Variants in ICAM5 observed in about 807,000 individuals in gnomAD.
ICAM5 encodes the protein intercellular adhesion molecule 5, also known as ICAM-5.
ICAM5 carries 38 observed loss-of-function variants against 78.8 expected under a neutral mutation model. The observed-to-expected ratio is 0.48, with a 90% CI of 0.37 to 0.63. The LOEUF (loss-of-function observed/expected upper bound fraction) is 0.63, where lower values mean the gene tolerates loss of function less well. Ranked by LOEUF, ICAM5 falls within the 30% of genes least tolerant of loss-of-function variation. ICAM5 has a pLI of 0.00. For synonymous variants in ICAM5, 544 were observed against 590.9 expected (o/e 0.92, Z 1.15); for missense variants, 1,059 against 1,303.0 (o/e 0.81, Z 2.88).
chr19:10,293,074 C>A lies in ICAM5; in HGVS notation c.1293C>A (p.Cys431Ter). The A allele has an allele frequency of 6.2e-7, 1 of 1,610,086 alleles. No individual in the cohort carries two copies. Among genetic ancestry groups the A allele is most frequent in the Non-Finnish European group, 8.5e-7 (1 of 1,179,750 alleles). ...WPEGPEQTLRCEARGNPEPSV... is the reference protein window; with the variant it reads ...WPEGPEQTLR Reference sequence around the variant, plus strand: ...AGGGCCCAGAGCAGACGCTGCGCTGCGAGGCCCGCGGGAACCCAGAACCCT... The same window carrying A: ...AGGGCCCAGAGCAGACGCTGCGCTGAGAGGCCCGCGGGAACCCAGAACCCT... Residue 431 changes from cysteine to a stop codon, truncating the protein, a stop_gained, in exon 6 of 11, where the codon TGC becomes TGA. Coordinates refer to ENST00000221980, the MANE Select transcript of ICAM5 (RefSeq NM_003259.4). LOFTEE classifies it high-confidence loss of function. The surrounding 1 kb of genome is among the most constrained non-coding windows in gnomAD (Gnocchi z 5.0).
chr19:10,294,687 A>C lies in ICAM5; in HGVS notation c.2230+47A>C, dbSNP rs752910728. The C allele has an allele frequency of 7.5e-6, 12 of 1,608,588 alleles. No homozygotes were observed. Among genetic ancestry groups the C allele is most frequent in the Non-Finnish European group, 1.0e-5 (12 of 1,178,638 alleles). ...TGGAGGGGACACGGTCCTCGGAAGA[A>C]TGACTCGCAGCGGTGGGAGCATTCA... is the stretch of plus-strand genomic sequence containing the variant. On this transcript the variant is annotated intron_variant, in intron 9 of 10. Coordinates refer to ENST00000221980, the MANE Select transcript of ICAM5 (RefSeq NM_003259.4). This position sits in a 1 kb window ranked among gnomAD's most constrained non-coding sequence, Gnocchi z 7.7.
chr19:10,294,123 G>A lies in ICAM5; in HGVS notation c.1795G>A (p.Asp599Asn). Residue 599 changes from aspartate to asparagine, a missense_variant, in exon 8 of 11, where the codon GAT becomes AAT. Physicochemically the swap from Asp to Asn is conservative, Grantham distance 23. Coordinates refer to ENST00000221980, the MANE Select transcript of ICAM5 (RefSeq NM_003259.4). This position sits in a 1 kb window ranked among gnomAD's most constrained non-coding sequence, Gnocchi z 7.7. Reference sequence around the variant, plus strand: ...TGGGCGCCTGTTTTCCTGTGAGGTCGATGGGAAGCCACAGCCAAGCGTGAA... The same window carrying A: ...TGGGCGCCTGTTTTCCTGTGAGGTCAATGGGAAGCCACAGCCAAGCGTGAA... ...GSGRLFSCEV[D>N]GKPQPSVKCV... 6.2e-7 allele frequency: 1 copy of A among 1,604,574 alleles called. No individual in the cohort carries two copies. Among genetic ancestry groups the A allele is most frequent in the South Asian group, 1.1e-5 (1 of 90,220 alleles).
chr19:10,291,713 G>T lies in ICAM5; in HGVS notation c.577G>T (p.Gly193Ter). The change falls in exon 3 of 11, where the codon GGA (glycine) becomes TGA (stop). Residue 193 changes from glycine (G) to a stop codon, truncating the protein, a stop_gained. Coordinates refer to ENST00000221980, the MANE Select transcript of ICAM5 (RefSeq NM_003259.4). LOFTEE classifies it high-confidence loss of function. Reference protein sequence around the residue: ...ATVLARREDHGANFSCRAELD... With the variant: ...ATVLARREDH ...GGTACTGGCTCGGAGGGAGGACCAT[G>T]GAGCCAATTTCTCGTGTCGCGCCGA... The T allele has an allele frequency of 6.2e-7, 1 of 1,612,798 alleles. No individual in the cohort carries two copies. Among genetic ancestry groups the T allele is most frequent in the Non-Finnish European group, 8.5e-7 (1 of 1,179,998 alleles).
chr19:10,290,955 C>T lies in ICAM5; in HGVS notation c.83-117C>T. On this transcript the variant is annotated intron_variant, in intron 1 of 10. Transcript: ENST00000221980. This position sits in a 1 kb window ranked among gnomAD's most constrained non-coding sequence, Gnocchi z 5.7. ...AGGACGCGGGACGCCTGGGTTCTTT[C>T]CCTGGCTGCAGCCTCTCCTCCTCCT... 7.4e-7 allele frequency: 1 copy of T among 1,352,542 alleles called. No homozygotes were observed. Among genetic ancestry groups the T allele is most frequent in the African/African-American group, 1.5e-5 (1 of 68,364 alleles). The allele number at this position is 1,352,542 out of a possible 1,614,324, so 83.8% of individuals were successfully genotyped here. A position where few individuals can be genotyped will look rare whatever the true frequency, so the allele number is the denominator to read the frequency against.
intron 4 of ICAM5, 22 bp from the exon 5 acceptor site, chr19:10,292,590 C>A (rs35797244): frequency 3.2e-6 from 5 of 1,544,882 alleles, no homozygotes; most frequent in East Asian, 4.5e-5. Context: ...CAGTATACTA[C>A]GACCAAATGC....
rs777140585 is a variant in ICAM5, at chr19:10,294,535, T to A, written c.2125T>A (p.Trp709Arg). Residue 709 changes from tryptophan to arginine, a missense_variant, in exon 9 of 11, where the codon TGG becomes AGG. This residue lies in a region of ICAM5 where 135 missense variants were observed against 230.2 expected (regional missense o/e 0.59). Coordinates refer to ENST00000221980, the MANE Select transcript of ICAM5 (RefSeq NM_003259.4). The surrounding 1 kb of genome is among the most constrained non-coding windows in gnomAD (Gnocchi z 7.7). Reference sequence around the variant, plus strand: ...GCGCTGCTCTCGGGAAGGCATCCCATGGCCTGAGCAGCAGCGCGTGTCCCG... The same window carrying A: ...GCGCTGCTCTCGGGAAGGCATCCCAAGGCCTGAGCAGCAGCGCGTGTCCCG... ...GVRCSREGIP[W>R]PEQQRVSRED... 3.1e-6 allele frequency: 5 copies of A among 1,609,858 alleles called. No homozygotes were observed. The highest frequency in any genetic ancestry group is 3.4e-6 in the Non-Finnish European group (4 of 1,178,202).
At position 10,291,714 on chromosome 19, in the gene ICAM5, G is replaced by T. The variant is rs778837551; in HGVS notation, c.578G>T (p.Gly193Val). 3 of 1,612,832 alleles carry T rather than the reference G, an allele frequency of 1.9e-6. No homozygotes were observed. The Admixed American group carries it at 5.0e-5, about 27-fold the overall frequency. ...GTACTGGCTCGGAGGGAGGACCATGGAGCCAATTTCTCGTGTCGCGCCGAG... is the reference window on the plus strand; with the variant it reads ...GTACTGGCTCGGAGGGAGGACCATGTAGCCAATTTCTCGTGTCGCGCCGAG... ...ATVLARREDH[G>V]ANFSCRAELD... The change falls in exon 3 of 11, where the codon GGA becomes GTA. Residue 193 changes from glycine to valine, a missense_variant. Physicochemically the swap from Gly to Val is moderately radical, Grantham distance 109. Coordinates refer to ENST00000221980, the MANE Select transcript of ICAM5 (RefSeq NM_003259.4).
chr19:10,290,213 C>T lies in ICAM5; in HGVS notation c.82+88C>T. 1 of 1,006,786 alleles carries T rather than the reference C, an allele frequency of 9.9e-7. No individual in the cohort carries two copies. The highest frequency in any genetic ancestry group is 1.4e-6 in the Non-Finnish European group (1 of 715,108). 62.4% of individuals were successfully genotyped at this position (1,006,786 alleles called of 1,614,324 possible). A position where few individuals can be genotyped will look rare whatever the true frequency, so the allele number is the denominator to read the frequency against. On this transcript the variant is annotated intron_variant, in intron 1 of 10. Transcript: ENST00000221980. The surrounding 1 kb of genome is among the most constrained non-coding windows in gnomAD (Gnocchi z 5.7). ...CGGCCTCCTGTCCCTCCCAGCTCTG[C>T]CCTCGCCTCGCTCCCACGCCTCTGC...
At position 10,291,784 on chromosome 19, in the gene ICAM5, G is replaced by A. The variant is rs2040175347; in HGVS notation, c.648G>A (p.Ser216=). ...PHGLGLFENS[S]APRELRTFSL... ...GACTGGGACTGTTTGAAAACAGCTCGGCCCCCAGAGAGCTCCGAACCTTCT... is the reference window on the plus strand; with the variant it reads ...GACTGGGACTGTTTGAAAACAGCTCAGCCCCCAGAGAGCTCCGAACCTTCT... Residue 216 remains serine (S), a synonymous_variant, in exon 3 of 11, where the codon TCG becomes TCA. Coordinates refer to ENST00000221980, the MANE Select transcript of ICAM5 (RefSeq NM_003259.4). 7 of 1,611,320 alleles carry A rather than the reference G, an allele frequency of 4.3e-6. No individual in the cohort carries two copies. The highest frequency in any genetic ancestry group is 5.9e-6 in the Non-Finnish European group (7 of 1,179,480).
At position 10,291,113 on chromosome 19, in the gene ICAM5, G is replaced by C; in HGVS notation, c.124G>C (p.Val42Leu). 1.2e-6 allele frequency: 2 copies of C among 1,612,038 alleles called. No homozygotes were observed. The highest frequency in any genetic ancestry group is 1.3e-5 in the African/African-American group (1 of 75,050). The change falls in exon 2 of 11, where the codon GTG becomes CTG. Residue 42 changes from valine (V) to leucine (L), a missense_variant. Val to Leu is a conservative substitution (Grantham distance 32). This residue lies in a region of ICAM5 where 815 missense variants were observed against 952.8 expected (regional missense o/e 0.86). Coordinates refer to ENST00000221980, the MANE Select transcript of ICAM5 (RefSeq NM_003259.4). Reference protein sequence around the residue: ...EPFWADLQPRVAFVERGGSLW... With the variant: ...EPFWADLQPRLAFVERGGSLW... ...CTTCTGGGCGGACCTGCAGCCTCGC[G>C]TGGCGTTCGTGGAGCGCGGGGGCTC... is the stretch of plus-strand genomic sequence containing the variant.
At position 10,294,998 on chromosome 19, in the gene ICAM5, A is replaced by C. The variant is rs1439394747; in HGVS notation, c.2231-348A>C. Among the ~76,000 whole-genome samples the C allele has an allele frequency of 6.6e-6, 1 of 152,150 alleles. No homozygotes were observed. The highest frequency in any genetic ancestry group is 2.4e-5 in the African/African-American group (1 of 41,444). On this transcript the variant is annotated intron_variant, in intron 9 of 10. Coordinates refer to ENST00000221980, the MANE Select transcript of ICAM5 (RefSeq NM_003259.4). The surrounding 1 kb of genome is among the most constrained non-coding windows in gnomAD (Gnocchi z 7.7). Reference sequence around the variant, plus strand: ...CTTGAGCCTGGGAGGCAGAGGTTGCAGGGAGCCGAGATCCCGCCACTGCAC... The same window carrying C: ...CTTGAGCCTGGGAGGCAGAGGTTGCCGGGAGCCGAGATCCCGCCACTGCAC...
rs948250786 is a variant in ICAM5, at chr19:10,293,634, G to A, written c.1466-64G>A. ...TTCGTGGAAGCCTTGCCGCGCCAAGGAGGGTCTAGGGACGTCAGATTTGCC... is the reference window on the plus strand; with the variant it reads ...TTCGTGGAAGCCTTGCCGCGCCAAGAAGGGTCTAGGGACGTCAGATTTGCC... On this transcript the variant is annotated intron_variant, in intron 6 of 10. Coordinates refer to ENST00000221980, the MANE Select transcript of ICAM5 (RefSeq NM_003259.4). This position sits in a 1 kb window ranked among gnomAD's most constrained non-coding sequence, Gnocchi z 5.0. 8.9e-6 allele frequency: 14 copies of A among 1,565,416 alleles called. No homozygotes were observed. In the African/African-American group the frequency reaches 1.9e-4, roughly 21 times the overall value.
rs1374645144 is a variant in ICAM5 at position 10,294,246 on chromosome 19, C to T, written c.1918C>T (p.Pro640Ser). The T allele has an allele frequency of 6.2e-7, 1 of 1,613,948 alleles. No homozygotes were observed. The highest frequency in any genetic ancestry group is 1.7e-5 in the Admixed American group (1 of 60,024). ...RAPRIPRVLA[P>S]GIYVCNATNR... ...TCCCAGAATCCCTAGAGTCCTGGCA[C>T]CCGGTATCTACGTCTGCAACGCCAC... Residue 640 changes from proline to serine, a missense_variant, in exon 8 of 11, where the codon CCC (proline) becomes TCC (serine). Around this residue, in one of 3 missense-constraint regions of ICAM5, gnomAD observed 815 missense variants for 952.8 expected, o/e 0.86. Coordinates refer to ENST00000221980, the MANE Select transcript of ICAM5 (RefSeq NM_003259.4). The surrounding 1 kb of genome is among the most constrained non-coding windows in gnomAD (Gnocchi z 7.7).
At chr19:10,296,138 C>T (rs1236029046) in intron 10 of ICAM5, among the ~76,000 whole-genome samples, 1 of 152,152 alleles carries the variant, frequency 6.6e-6, no homozygotes, top group Non-Finnish European at 1.5e-5. Context: ...TCCCCATGGG[C>T]TGAAGTGCGA....
chr19:10,290,399 C>G lies in ICAM5; in HGVS notation c.82+274C>G. 1 of 425,476 alleles carries G rather than the reference C, an allele frequency of 2.4e-6. No individual in the cohort carries two copies. The highest frequency in any genetic ancestry group is 4.2e-6 in the Non-Finnish European group (1 of 238,042). 26.4% of individuals were successfully genotyped at this position (425,476 alleles called of 1,614,324 possible). ...GGAGACCCAGTGTCTCTCCTGTCCGCTCCCCGGGTACCTCCTTACGCTGTG... is the reference window on the plus strand; with the variant it reads ...GGAGACCCAGTGTCTCTCCTGTCCGGTCCCCGGGTACCTCCTTACGCTGTG... On this transcript the variant is annotated intron_variant, in intron 1 of 10. Transcript: ENST00000221980. The surrounding 1 kb of genome is among the most constrained non-coding windows in gnomAD (Gnocchi z 5.7).
In ICAM5 at chr19:10,291,476, T is replaced by C. The variant is rs201522317; in HGVS notation, c.353-13T>C. The C allele has an allele frequency of 2.5e-6, 4 of 1,611,936 alleles. No homozygotes were observed. The highest frequency in any genetic ancestry group is 3.3e-5 in the Admixed American group (2 of 59,804). On this transcript the variant is annotated splice_polypyrimidine_tract_variant and intron_variant, in intron 2 of 10. Coordinates refer to ENST00000221980, the MANE Select transcript of ICAM5 (RefSeq NM_003259.4). ...CCGGTGTTCAAAGAGCTGCGGACTC[T>C]TCCCCCTTGCAGAGCGACCAGATCG... is the stretch of plus-strand genomic sequence containing the variant.
Position 10,292,287 on chromosome 19 carries a change from A to G in ICAM5, c.926A>G (p.Glu309Gly). The stretch of plus-strand genomic sequence containing the variant: ...GTCTGCAACGTCACCCTGGGGGGCG[A>G]AAACCGGGAGACCCGGGAGAACGTG... ...QLVCNVTLGGENRETRENVTI... is the reference protein window; with the variant it reads ...QLVCNVTLGGGNRETRENVTI... Residue 309 changes from glutamate (E) to glycine (G), a missense_variant, in exon 4 of 11, where the codon GAA (glutamate) becomes GGA (glycine). This residue lies in a region of ICAM5 where 815 missense variants were observed against 952.8 expected (regional missense o/e 0.86). Coordinates refer to ENST00000221980, the MANE Select transcript of ICAM5 (RefSeq NM_003259.4). The G allele has an allele frequency of 1.2e-6, 2 of 1,610,968 alleles. No individual in the cohort carries two copies. Among genetic ancestry groups the G allele is most frequent in the South Asian group, 2.2e-5 (2 of 90,982 alleles).
rs2040179901 is a variant in ICAM5 at position 10,292,280 on chromosome 19, G to C, written c.919G>C (p.Gly307Arg). Residue 307 changes from glycine to arginine, a missense_variant, in exon 4 of 11, where the codon GGG becomes CGG. This residue lies in a region of ICAM5 where 815 missense variants were observed against 952.8 expected (regional missense o/e 0.86). Transcript: ENST00000221980. ...ARQLVCNVTLGGENRETRENV... is the reference protein window; with the variant it reads ...ARQLVCNVTLRGENRETRENV... ...GCAGCTGGTCTGCAACGTCACCCTG[G>C]GGGGCGAAAACCGGGAGACCCGGGA... 6 of 1,611,930 alleles carry C rather than the reference G, an allele frequency of 3.7e-6. No homozygotes were observed. Among genetic ancestry groups the C allele is most frequent in the Non-Finnish European group, 5.1e-6 (6 of 1,179,538 alleles).
chr19:10,296,642 G>A lies in ICAM5; in HGVS notation c.*26G>A, dbSNP rs987561089. On this transcript the variant is annotated 3_prime_UTR_variant, in exon 11 of 11. Coordinates refer to ENST00000221980, the MANE Select transcript of ICAM5 (RefSeq NM_003259.4). Reference sequence around the variant, plus strand: ...GCCCGCTCCCCTCTCCCCGCGGGCCGGGGGACGCCCCCCAGACTCACACGG... The same window carrying A: ...GCCCGCTCCCCTCTCCCCGCGGGCCAGGGGACGCCCCCCAGACTCACACGG... 1.2e-5 allele frequency: 15 copies of A among 1,207,336 alleles called. No individual in the cohort carries two copies. The African/African-American group carries it at 2.1e-4, about 17-fold the overall frequency. 74.8% of individuals were successfully genotyped at this position (1,207,336 alleles called of 1,614,324 possible).
Sources: gnomAD v4.1 joint callset for allele counts (sites outside exome capture counted in the v4.1 genomes callset) on GRCh38, gnomAD v4.1.1 for gene constraint, gnomAD v4.1.1 regional missense constraint, Gnocchi (gnomAD v3.1) non-coding constraint, MANE v1.5 for transcripts, NCBI Gene and HGNC (gene_info 2026-07-23, HGNC 2026-07-21) for gene names.